Variants in RNF10 observed in about 807,000 individuals in gnomAD.
RNF10 encodes ring finger protein 10, also known as E3 ubiquitin-protein ligase RNF10.
In RNF10, 38 loss-of-function variants were observed where a neutral mutation model predicts 91.4. That is an observed-to-expected ratio of 0.42 (90% CI 0.32 to 0.54). The LOEUF is 0.54. Among genes scored for constraint, RNF10 ranks in the 20% least tolerant of loss-of-function variants. The pLI is 0.16. For missense variants in RNF10, 945 were observed against 1,012.0 expected, an observed-to-expected ratio of 0.93 and a Z score of 0.90; for synonymous variants, 364 against 366.3, an observed-to-expected ratio of 0.99 and a Z score of 0.07.
chr12:120,536,540 G>A (rs1593040076), intron 1 of RNF10, among the ~76,000 whole-genome samples: 1 of 152,172 alleles, frequency 6.6e-6, no homozygotes, highest in African/African-American at 2.4e-5. Flanking sequence ...TTGTTTACCT[G>A]GTGTGAGACC....
rs185565042 is a variant in RNF10, at chr12:120,571,367, C to T, written c.2142+76C>T. 3.8e-6 allele frequency: 4 copies of T among 1,060,924 alleles called. No individual in the cohort carries two copies. The Admixed American group carries it at 7.1e-5, about 19-fold the overall frequency. 65.7% of individuals were successfully genotyped at this position (1,060,924 alleles called of 1,614,324 possible). On this transcript the variant is annotated intron_variant, in intron 14 of 16. Coordinates refer to ENST00000325954, the MANE Select transcript of RNF10 (RefSeq NM_014868.5). ...CTGCTCATTATTATGGGAACCTCCTCCAGGGATTGTTACCTCTCATTCTAA... is the reference window on the plus strand; with the variant it reads ...CTGCTCATTATTATGGGAACCTCCTTCAGGGATTGTTACCTCTCATTCTAA...
In RNF10 at chr12:120,572,153, G is replaced by A. The variant is rs1189955757; in HGVS notation, c.2142+862G>A. Among the ~76,000 whole-genome samples, 5 of 150,540 alleles carry A rather than the reference G, an allele frequency of 3.3e-5. No individual in the cohort carries two copies. In the East Asian group the frequency reaches 5.9e-4, roughly 18 times the overall value. On this transcript the variant is annotated intron_variant, in intron 14 of 16. Coordinates refer to ENST00000325954, the MANE Select transcript of RNF10 (RefSeq NM_014868.5). ...GCGATCTTGGCTTGCTGTAAGCTCC[G>A]CCTCCCGGGTTCACGCCATTCTCCT... is the stretch of plus-strand genomic sequence containing the variant.
chr12:120,536,656 A>G (rs919342103), intron 1 of RNF10, among the ~76,000 whole-genome samples: 1 of 152,212 alleles, frequency 6.6e-6, no homozygotes, highest in Non-Finnish European at 1.5e-5. Context: ...AAAAGATAGA[A>G]GGTAACCAGT....
At chr12:120,568,848 C>T (rs1170381302) in intron 13 of RNF10, among the ~76,000 whole-genome samples, 1 of 152,152 alleles carries the variant, frequency 6.6e-6, no homozygotes, top group Non-Finnish European at 1.5e-5. Flanking sequence ...TCTTGAACTC[C>T]TGGGCTCAAG....
chr12:120,573,784 G>A (rs1877007640), intron 14 of RNF10, among the ~76,000 whole-genome samples: 1 of 152,118 alleles, frequency 6.6e-6, no homozygotes, highest in African/African-American at 2.4e-5. Context: ...CCTGTGCCCA[G>A]TTTCAAAATA....
Position 120,546,548 on chromosome 12 carries a change from G to A in RNF10, c.301G>A (p.Gly101Ser), listed in dbSNP as rs137902657. ...TAACAAGATGCCTCCTCAAAGGGGCGGCGGCAGCAGCAAACTCTTTAGCTC... is the reference window on the plus strand; with the variant it reads ...TAACAAGATGCCTCCTCAAAGGGGCAGCGGCAGCAGCAAACTCTTTAGCTC... ...TFNKMPPQRG[G>S]GSSKLFSSSF... Residue 101 changes from glycine to serine, a missense_variant, in exon 2 of 17, where the codon GGC becomes AGC. By Grantham distance (56) the Gly-to-Ser change is moderately conservative. Transcript: ENST00000325954. 5.3e-5 allele frequency: 86 copies of A among 1,613,998 alleles called. No homozygotes were observed. The highest frequency in any genetic ancestry group is 6.4e-5 in the Non-Finnish European group (76 of 1,180,018).
rs146667323 is a variant in RNF10, at chr12:120,548,760, G to A, written c.354+2159G>A. 4.1e-3 allele frequency among the ~76,000 whole-genome samples: 615 copies of A among 150,402 alleles called. 3 individuals are homozygous for A. The highest frequency in any genetic ancestry group is 8.7e-3 in the Admixed American group (129 of 14,900). On this transcript the variant is annotated intron_variant, in intron 2 of 16. Transcript: ENST00000325954. ...CTGCAACCTCCGCTCTTGGGTTCAC[G>A]CCATTCTCCTGCCTCAGTCTCCCGA...
At chr12:120,550,476 C>T (rs906710303) in intron 2 of RNF10, among the ~76,000 whole-genome samples, 6 of 152,080 alleles carry the variant, frequency 3.9e-5, no homozygotes, top group East Asian at 1.9e-4. Context: ...GGTGGAAGAC[C>T]GTTTGATTAA....
In RNF10 at chr12:120,576,589, G is replaced by C. The variant is rs746016406; in HGVS notation, c.2360-1G>C. 1 of 1,613,420 alleles carries C rather than the reference G, an allele frequency of 6.2e-7. No individual in the cohort carries two copies. Among genetic ancestry groups the C allele is most frequent in the Non-Finnish European group, 8.5e-7 (1 of 1,179,736 alleles). On this transcript the variant is annotated splice_acceptor_variant, in intron 16 of 16. Coordinates refer to ENST00000325954, the MANE Select transcript of RNF10 (RefSeq NM_014868.5). LOFTEE classifies it high-confidence loss of function. The stretch of plus-strand genomic sequence containing the variant: ...AGCTGTCTTTCTGTGTCTCCCTTTA[G>C]AAGAGAAAGGAGGAAAGAAAAGAAA...
At chr12:120,549,924 C>G (rs1872796964) in intron 2 of RNF10, among the ~76,000 whole-genome samples, 1 of 152,068 alleles carries the variant, frequency 6.6e-6, no homozygotes, top group South Asian at 2.1e-4. Context: ...TTGTTGGAGT[C>G]AGGACTAAAC....
intron 6 of RNF10, among the ~76,000 whole-genome samples, chr12:120,557,978 C>T (rs915930473): frequency 6.6e-6 from 1 of 152,118 alleles, no homozygotes; most frequent in African/African-American, 2.4e-5. Context: ...TGCCTGTCGT[C>T]AAGAAACTCA....
At chr12:120,546,262 C>T in intron 1 of RNF10, 143 bp from the exon 2 acceptor site, 1 of 658,348 alleles carries the variant, frequency 1.5e-6, no homozygotes, top group Non-Finnish European at 2.6e-6. Context: ...TTGCTCAAAG[C>T]ACTCATGCTC....
At chr12:120,563,705 T>C in intron 9 of RNF10, 82 bp downstream of exon 9, 1 of 1,576,220 alleles carries the variant, frequency 6.3e-7, no homozygotes. Flanking sequence ...GGAGCGCCAC[T>C]AGATCCTGTG....
At chr12:120,549,325 G>A (rs1216549791) in intron 2 of RNF10, among the ~76,000 whole-genome samples, 2 of 152,182 alleles carry the variant, frequency 1.3e-5, no homozygotes, top group African/African-American at 4.8e-5. Flanking sequence ...AAGCGTACTA[G>A]GATTGTAGTA....
intron 2 of RNF10, 49 bp from the exon 3 acceptor site, chr12:120,552,450 A>G (rs775201689): frequency 2.0e-6 from 3 of 1,512,082 alleles, no homozygotes; most frequent in South Asian, 1.2e-5. Flanking sequence ...TCTGCTATAA[A>G]TCAGTGTCAT....
At position 120,566,343 on chromosome 12, in the gene RNF10, AAGGT is replaced by A. The variant is rs1354799510; in HGVS notation, c.1886-481_1886-478del. On this transcript the variant is annotated intron_variant, in intron 12 of 16. Coordinates refer to ENST00000325954, the MANE Select transcript of RNF10 (RefSeq NM_014868.5). ...AGCCTCAATTATGAATAGTTAGAAC[AAGGT>A]TAACTATATTAAAGACATTATAGAA... Among the ~76,000 whole-genome samples the A allele has an allele frequency of 1.4e-4, 22 of 152,196 alleles. 1 individual carries two copies. Among genetic ancestry groups the A allele is most frequent in the African/African-American group, 4.8e-4 (20 of 41,440 alleles).
chr12:120,543,199 A>G (rs1324973586), intron 1 of RNF10, among the ~76,000 whole-genome samples: 1 of 152,236 alleles, frequency 6.6e-6, no homozygotes, highest in Admixed American at 6.5e-5. Context: ...CTAAGTTTAA[A>G]AAAAATTACT....
chr12:120,540,005 T>A (rs1871326333), intron 1 of RNF10, among the ~76,000 whole-genome samples: 1 of 151,958 alleles, frequency 6.6e-6, no homozygotes, highest in Non-Finnish European at 1.5e-5. Context: ...GGCCTAATTT[T>A]TGTATTTTTA....
chr12:120,565,206 T>C lies in RNF10; in HGVS notation c.1783+17T>C. 2 of 1,513,462 alleles carry C rather than the reference T, an allele frequency of 1.3e-6. No homozygotes were observed. Among genetic ancestry groups the C allele is most frequent in the Non-Finnish European group, 1.8e-6 (2 of 1,088,438 alleles). 93.8% of individuals were successfully genotyped at this position (1,513,462 alleles called of 1,614,324 possible). On this transcript the variant is annotated intron_variant, in intron 11 of 16. Transcript: ENST00000325954. ...TGTTCTCAGGTGAGAATGCCCCTGC[T>C]CTGCTTCTCTTTATAGTAGGGTTCA...
Sources: gnomAD v4.1 joint callset for allele counts (sites outside exome capture counted in the v4.1 genomes callset) on GRCh38, gnomAD v4.1.1 for gene constraint, MANE v1.5 for transcripts, NCBI Gene and HGNC (gene_info 2026-07-23, HGNC 2026-07-21) for gene names.